Variants in NLRC5 observed in about 807,000 individuals in gnomAD.
The protein encoded by NLRC5 is NLR family CARD domain containing 5.
A neutral mutation model predicts 206.9 loss-of-function variants in NLRC5; 114 were observed. The observed-to-expected ratio is 0.55, with a 90% confidence interval of 0.47 to 0.64. The LOEUF is 0.64. Ranked by LOEUF, NLRC5 falls within the 30% of genes least tolerant of loss-of-function variation. The pLI is 0.00. For missense variants in NLRC5, 2,008 were observed against 2,305.5 expected (o/e 0.87, Z 2.64); for synonymous variants, 952 against 962.8 (o/e 0.99, Z 0.21).
At chr16:57,073,978 A>C (rs1045351825) in intron 38 of NLRC5, among the ~76,000 whole-genome samples, 18 of 152,222 alleles carry the variant, frequency 1.2e-4, no homozygotes, top group African/African-American at 4.1e-4. Context: ...TGAGGATAAG[A>C]GCAATCTCCC....
intron 20 of NLRC5, 184 bp downstream of exon 20, chr16:57,043,788 A>G: frequency 3.2e-6 from 2 of 629,186 alleles, no homozygotes; most frequent in Non-Finnish European, 5.8e-6. Context: ...AAATGAATGA[A>G]TAAGTATGGC....
intron 8 of NLRC5, 21 bp from the exon 9 acceptor site, chr16:57,029,752 T>TGGGC: frequency 6.2e-7 from 1 of 1,612,236 alleles, no homozygotes. Flanking sequence ...GCAAAGGGAC[T>TGGGC]GGGCCTTGGT....
In NLRC5 at chr16:57,059,537, T is replaced by A; in HGVS notation, c.3986+5T>A. On this transcript the variant is annotated splice_donor_5th_base_variant and intron_variant, in intron 30 of 48. Transcript: ENST00000688547. ...CCAGGCTGGGAAGACACTCAGGTAA[T>A]CCCTGCAGGGTGATGGGACAGGGGA... 1.2e-6 allele frequency: 2 copies of A among 1,609,576 alleles called. No homozygotes were observed. Among genetic ancestry groups the A allele is most frequent in the Non-Finnish European group, 1.7e-6 (2 of 1,177,536 alleles).
At chr16:57,017,221 T>G (rs747724919) in intron 2 of NLRC5, 33 bp downstream of exon 2, 6 of 152,648 alleles carry the variant, frequency 3.9e-5, no homozygotes, top group Non-Finnish European at 8.8e-5. Context: ...TCACCTCCTC[T>G]TTTCCCCTCC....
chr16:57,042,918 A>C (rs1191858738), intron 19 of NLRC5, among the ~76,000 whole-genome samples: 1 of 152,150 alleles, frequency 6.6e-6, no homozygotes, highest in Non-Finnish European at 1.5e-5. Flanking sequence ...CTGGGAAGGA[A>C]GGAAGGTCTA....
chr16:57,063,616 C>G (rs1279383973), intron 32 of NLRC5, among the ~76,000 whole-genome samples: 2 of 152,188 alleles, frequency 1.3e-5, no homozygotes, highest in African/African-American at 4.8e-5. Flanking sequence ...TCTTGATCTC[C>G]TGAGCTCAAG....
chr16:57,070,479 C>G (rs2067513865), intron 37 of NLRC5, 56 bp from the exon 38 acceptor site: 1 of 1,504,852 alleles, frequency 6.6e-7, no homozygotes, highest in Non-Finnish European at 9.2e-7. Context: ...CAGGACAGCT[C>G]AGCTCCAGGG....
chr16:57,038,485 C>T (rs754295735), intron 15 of NLRC5, among the ~76,000 whole-genome samples: 9 of 152,042 alleles, frequency 5.9e-5, no homozygotes, highest in Non-Finnish European at 1.2e-4. Context: ...CTCAAACTCC[C>T]GAGCTCATGT....
chr16:57,039,416 C>T (rs901818375), intron 15 of NLRC5, among the ~76,000 whole-genome samples: 4 of 152,114 alleles, frequency 2.6e-5, no homozygotes, highest in South Asian at 2.1e-4. Flanking sequence ...GAGGTCCTCC[C>T]GGGCCAGGGG....
At chr16:57,000,783 C>T (rs1448979442) in intron 1 of NLRC5, among the ~76,000 whole-genome samples, 3 of 152,194 alleles carry the variant, frequency 2.0e-5, no homozygotes, top group Admixed American at 6.5e-5. Context: ...CTTGCTTGCC[C>T]TGCCAGCATT....
chr16:57,053,465 C>T (rs1251998568), intron 24 of NLRC5, among the ~76,000 whole-genome samples: 2 of 152,008 alleles, frequency 1.3e-5, no homozygotes, highest in Admixed American at 6.6e-5. Flanking sequence ...GGGCCTGGCA[C>T]CCATGGGGAG....
chr16:57,061,316 C>A, intron 30 of NLRC5, 132 bp from the exon 31 acceptor site: 2 of 836,480 alleles, frequency 2.4e-6, no homozygotes, highest in Non-Finnish European at 3.7e-6. Flanking sequence ...TTTGGCCTCT[C>A]AGGCCCTGCT....
At chr16:57,020,429 C>A (rs1397133164) in intron 2 of NLRC5, among the ~76,000 whole-genome samples, 8 of 142,960 alleles carry the variant, frequency 5.6e-5, no homozygotes, top group African/African-American at 1.8e-4. Flanking sequence ...GCTCCCCTGT[C>A]CCCTAGCTCA....
At chr16:57,050,007 A>C (rs1441810801) in intron 23 of NLRC5, among the ~76,000 whole-genome samples, 2 of 151,722 alleles carry the variant, frequency 1.3e-5, no homozygotes, top group African/African-American at 4.8e-5. Context: ...GTGGGGCTCC[A>C]TCCCCCCTCC....
intron 26 of NLRC5, 107 bp downstream of exon 26, chr16:57,055,201 C>A (rs1464360665): frequency 1.6e-6 from 2 of 1,212,600 alleles, no homozygotes; most frequent in Non-Finnish European, 2.4e-6. Context: ...ACAAAACATT[C>A]CCCTGGAACA....
intron 29 of NLRC5, 124 bp downstream of exon 29, chr16:57,059,185 C>T: frequency 1.3e-6 from 2 of 1,569,860 alleles, no homozygotes; most frequent in Non-Finnish European, 1.7e-6. Flanking sequence ...GGAGCAACCT[C>T]TGCCTTTCTC....
Position 57,033,627 on chromosome 16 carries a change from A to G in NLRC5, c.2501A>G (p.Asp834Gly), listed in dbSNP as rs1331447785. ...AGAGCTCCAGACCTGCAGGAAAGTG[A>G]CGGCCAGAGGAAAGGGGCTCAGAGC... is the stretch of plus-strand genomic sequence containing the variant. ...LQRAPDLQES[D>G]GQRKGAQSRS... The change falls in exon 12 of 49, where the codon GAC (aspartate) becomes GGC (glycine). Residue 834 changes from aspartate (D) to glycine (G), a missense_variant. Physicochemically the swap from Asp to Gly is moderately conservative, Grantham distance 94. Transcript: ENST00000688547. The G allele has an allele frequency of 6.2e-7, 1 of 1,614,120 alleles. No homozygotes were observed. Among genetic ancestry groups the G allele is most frequent in the South Asian group, 1.1e-5 (1 of 91,078 alleles).
chr16:57,023,823 C>G lies in NLRC5; in HGVS notation c.394C>G (p.Arg132Gly). ...RPHQSCGSSP[R>G]RKQCKKQQLE... Reference sequence around the variant, plus strand: ...ACATCAGAGCTGTGGGTCCTCACCCCGCCGGAAGCAGTGCAAGAAGCAGCA... The same window carrying G: ...ACATCAGAGCTGTGGGTCCTCACCCGGCCGGAAGCAGTGCAAGAAGCAGCA... Residue 132 changes from arginine (R) to glycine (G), a missense_variant, in exon 5 of 49, where the codon CGC (arginine) becomes GGC (glycine). By Grantham distance (125) the Arg-to-Gly change is moderately radical. Coordinates refer to ENST00000688547, the MANE Select transcript of NLRC5 (RefSeq NM_001384950.1). 1 of 1,612,062 alleles carries G rather than the reference C, an allele frequency of 6.2e-7. No homozygotes were observed. Among genetic ancestry groups the G allele is most frequent in the Non-Finnish European group, 8.5e-7 (1 of 1,179,044 alleles).
intron 30 of NLRC5, 97 bp downstream of exon 30, chr16:57,059,629 T>G: frequency 8.5e-7 from 1 of 1,169,998 alleles, no homozygotes; most frequent in Non-Finnish European, 1.2e-6. Flanking sequence ...GGCCCTCTCC[T>G]CCTTTAGAGA....
Sources: gnomAD v4.1 joint callset for allele counts (sites outside exome capture counted in the v4.1 genomes callset) on GRCh38, gnomAD v4.1.1 for gene constraint, MANE v1.5 for transcripts, NCBI Gene and HGNC (gene_info 2026-07-23, HGNC 2026-07-21) for gene names.